Variants in RNF150 observed in about 807,000 individuals in gnomAD.
The protein encoded by RNF150 is ring finger protein 150.
Under a neutral mutation model 39.3 loss-of-function variants are expected in RNF150, and 24 were observed. The observed-to-expected ratio is 0.61, with a 90% CI of 0.44 to 0.86. The LOEUF (loss-of-function observed/expected upper bound fraction) is 0.86. Ranked by LOEUF, RNF150 falls within the 40% of genes least tolerant of loss-of-function variation. The probability of loss-of-function intolerance (pLI) is 0.00; values close to 1 mark genes in which losing one functional copy is unlikely to be tolerated. For synonymous variants in RNF150, 255 were observed against 227.3 expected, an observed-to-expected ratio of 1.12 and a Z score of -1.10; for missense variants, 502 against 587.8, an observed-to-expected ratio of 0.85 and a Z score of 1.51.
At chr4:141,019,961 T>C (rs1347634578) in intron 1 of RNF150, among the ~76,000 whole-genome samples, 1 of 152,164 alleles carries the variant, frequency 6.6e-6, no homozygotes, top group South Asian at 2.1e-4. Flanking sequence ...TTGTGTCTAC[T>C]GTACCACTCG....
intron 1 of RNF150, among the ~76,000 whole-genome samples, chr4:140,968,596 A>G (rs907485016): frequency 6.6e-6 from 1 of 151,860 alleles, no homozygotes; most frequent in African/African-American, 2.4e-5. Flanking sequence ...CCAAGCAAGG[A>G]GAAGATGGAA....
At position 141,010,617 on chromosome 4, in the gene RNF150, A is replaced by G. The variant is rs190805810; in HGVS notation, c.485-42744T>C. 1.7e-4 allele frequency among the ~76,000 whole-genome samples: 26 copies of G among 152,250 alleles called. No homozygotes were observed. In the East Asian group the frequency reaches 4.8e-3, roughly 28 times the overall value. ...CTCCTCGTTGTTCTGCCAGCTTGTA[A>G]TGGCATGGGGCTTCTCTTCTCTTTC... On this transcript the variant is annotated intron_variant, in intron 1 of 6. Coordinates refer to ENST00000515673, the MANE Select transcript of RNF150 (RefSeq NM_020724.2).
At chr4:140,907,085 C>T (rs1210317863) in intron 6 of RNF150, among the ~76,000 whole-genome samples, 5 of 152,182 alleles carry the variant, frequency 3.3e-5, no homozygotes, top group African/African-American at 7.2e-5. Context: ...CTGTCTGTTT[C>T]GCTGTGTTTT....
At chr4:141,035,681 CAAT>C (rs1736114355) in intron 1 of RNF150, among the ~76,000 whole-genome samples, 1 of 151,978 alleles carries the variant, frequency 6.6e-6, no homozygotes, top group African/African-American at 2.4e-5. Flanking sequence ...TAAGTCCACA[CAAT>C]AATGATGAGG....
chr4:141,065,915 C>G (rs1327449591), intron 1 of RNF150, among the ~76,000 whole-genome samples: 1 of 152,062 alleles, frequency 6.6e-6, no homozygotes, highest in Non-Finnish European at 1.5e-5. Flanking sequence ...TTGAAATCAG[C>G]TGGAATCCTC....
chr4:141,075,774 T>A (rs1737873945), intron 1 of RNF150, among the ~76,000 whole-genome samples: 1 of 152,058 alleles, frequency 6.6e-6, no homozygotes, highest in African/African-American at 2.4e-5. Context: ...TTAAGTGAGG[T>A]TTGCTGGGAA....
In RNF150 at chr4:141,202,318, C is replaced by A. The variant is rs1235374758; in HGVS notation, c.-6+10476G>T. The stretch of plus-strand genomic sequence containing the variant: ...CAAATGAAATCAGGGGAGCAAGTTT[C>A]TTTATTTAGGAAGAGAGCTAGGAGA... On this transcript the variant is annotated intron_variant, in intron 1 of 7. Transcript: ENST00000420921. 3.3e-5 allele frequency among the ~76,000 whole-genome samples: 5 copies of A among 151,976 alleles called. No homozygotes were observed. The East Asian group carries it at 9.7e-4, about 29-fold the overall frequency.
chr4:140,902,387 T>C (rs13127111), intron 6 of RNF150, among the ~76,000 whole-genome samples: 1 of 152,004 alleles, frequency 6.6e-6, no homozygotes, highest in Non-Finnish European at 1.5e-5. Flanking sequence ...AAATACAGCA[T>C]GAAAAAGGAA....
chr4:141,030,049 A>G (rs910164304), intron 1 of RNF150, among the ~76,000 whole-genome samples: 2 of 152,038 alleles, frequency 1.3e-5, no homozygotes, highest in Non-Finnish European at 2.9e-5. Context: ...ACAAAAAATT[A>G]GCCAGGTGTG....
chr4:140,980,825 A>T (rs62325723), intron 1 of RNF150, among the ~76,000 whole-genome samples: 22,889 of 152,168 alleles, frequency 0.15, 1,913 homozygotes, highest in Middle Eastern at 0.24. Flanking sequence ...AGTCTCAGGC[A>T]GTTCGTTATA....
At chr4:141,072,710 T>C (rs993469796) in intron 1 of RNF150, among the ~76,000 whole-genome samples, 8 of 152,180 alleles carry the variant, frequency 5.3e-5, no homozygotes, top group African/African-American at 1.9e-4. Context: ...AAGTGCACAT[T>C]GAATTTACCA....
In RNF150 at chr4:141,097,781, A is replaced by G. The variant is rs984859264; in HGVS notation, c.484+34544T>C. Reference sequence around the variant, plus strand: ...TATTTTTAGATGTTTTTCTATTGGGATGTTTGACCTTGCTATTTTTTACGG... The same window carrying G: ...TATTTTTAGATGTTTTTCTATTGGGGTGTTTGACCTTGCTATTTTTTACGG... On this transcript the variant is annotated intron_variant, in intron 1 of 6. Transcript: ENST00000515673. Among the ~76,000 whole-genome samples, 21 of 151,312 alleles carry G rather than the reference A, an allele frequency of 1.4e-4. 1 individual carries two copies. Among genetic ancestry groups the G allele is most frequent in the Admixed American group, 1.1e-3 (17 of 15,202 alleles).
chr4:141,063,181 T>C (rs1737305794), intron 1 of RNF150, among the ~76,000 whole-genome samples: 3 of 152,238 alleles, frequency 2.0e-5, no homozygotes, highest in Non-Finnish European at 4.4e-5. Context: ...TAACAATTTA[T>C]GAACTTATAC....
At chr4:140,903,413 T>C (rs1437636639) in intron 6 of RNF150, among the ~76,000 whole-genome samples, 1 of 152,184 alleles carries the variant, frequency 6.6e-6, no homozygotes, top group Non-Finnish European at 1.5e-5. Context: ...TTTTTTAATC[T>C]CTGAATGATG....
Position 140,953,089 on chromosome 4 carries a change from T to C in RNF150, c.736-3717A>G, listed in dbSNP as rs1433094960. ...GAACAGATACAGTAAAAACAGGATA[T>C]TATAATCTTATTGGACTACTGCATA... On this transcript the variant is annotated intron_variant, in intron 2 of 6. Coordinates refer to ENST00000515673, the MANE Select transcript of RNF150 (RefSeq NM_020724.2). Among the ~76,000 whole-genome samples the C allele has an allele frequency of 5.3e-5, 8 of 152,298 alleles. No homozygotes were observed. In the South Asian group the frequency reaches 1.5e-3, roughly 28 times the overall value.
chr4:140,980,700 C>T (rs1179890379), intron 1 of RNF150, among the ~76,000 whole-genome samples: 1 of 152,108 alleles, frequency 6.6e-6, no homozygotes, highest in African/African-American at 2.4e-5. Flanking sequence ...CTTCTCCTTC[C>T]TGCTGCCATG....
chr4:141,191,841 G>A (rs1728114091), intron 1 of RNF150, among the ~76,000 whole-genome samples: 1 of 152,122 alleles, frequency 6.6e-6, no homozygotes, highest in South Asian at 2.1e-4. Context: ...ATAGGTGTGT[G>A]CTCCTGATGC....
At chr4:141,052,850 T>G (rs796352488) in intron 1 of RNF150, among the ~76,000 whole-genome samples, 3 of 152,316 alleles carry the variant, frequency 2.0e-5, no homozygotes, top group African/African-American at 7.2e-5. Context: ...CATGCTTATC[T>G]GAAATCTCCC....
intron 1 of RNF150, among the ~76,000 whole-genome samples, chr4:140,980,998 C>CA (rs1367389944): frequency 1.3e-5 from 2 of 152,162 alleles, no homozygotes; most frequent in African/African-American, 4.8e-5. Flanking sequence ...AACTTGTCTT[C>CA]AGCAGTCTTT....
Sources: allele counts gnomAD v4.1 joint callset (sites outside exome capture counted in the v4.1 genomes callset), GRCh38; gene constraint gnomAD v4.1.1; transcripts MANE v1.5; gene names NCBI Gene and HGNC (gene_info 2026-07-23, HGNC 2026-07-21).